The following XYLT1 variants were observed in gnomAD, a reference collection of about 807,000 sequenced individuals.
The protein encoded by XYLT1 is beta-D-xylosyltransferase 1.
XYLT1 carries 36 observed loss-of-function variants against 91.3 expected under a neutral mutation model. That is an observed-to-expected ratio of 0.39 (90% CI 0.30 to 0.52). The LOEUF is 0.52. Ranked by LOEUF, XYLT1 falls within the 20% of genes least tolerant of loss-of-function variation. The pLI, the probability that XYLT1 is intolerant of heterozygous loss-of-function variation, is 0.68. For missense variants in XYLT1, 1,242 were observed against 1,284.5 expected (o/e 0.97, Z 0.51); for synonymous variants, 588 against 532.0 (o/e 1.11, Z -1.45).
intron 1 of XYLT1, among the ~76,000 whole-genome samples, chr16:17,468,678 G>A (rs992845463): frequency 6.6e-5 from 10 of 152,010 alleles, no homozygotes; most frequent in African/African-American, 2.4e-4. Context: ...AAATCAGCTA[G>A]CCCTGCCTCC....
chr16:17,361,476 A>G (rs2035380922), intron 1 of XYLT1, among the ~76,000 whole-genome samples: 1 of 152,226 alleles, frequency 6.6e-6, no homozygotes, highest in South Asian at 2.1e-4. Flanking sequence ...TGTCACAAAC[A>G]CTCACAGACT....
At chr16:17,217,320 C>A (rs1265739298) in intron 3 of XYLT1, among the ~76,000 whole-genome samples, 1 of 151,942 alleles carries the variant, frequency 6.6e-6, no homozygotes, top group Non-Finnish European at 1.5e-5. Context: ...TCTCTGTCTA[C>A]AAAGATAATA....
intron 6 of XYLT1, among the ~76,000 whole-genome samples, chr16:17,144,444 A>G (rs2031080768): frequency 6.6e-6 from 1 of 152,198 alleles, no homozygotes; most frequent in African/African-American, 2.4e-5. Flanking sequence ...TTCTGGAAAA[A>G]TGGGGACTAG....
intron 2 of XYLT1, among the ~76,000 whole-genome samples, chr16:17,356,477 C>G (rs2035296979): frequency 6.6e-6 from 1 of 152,064 alleles, no homozygotes; most frequent in African/African-American, 2.4e-5. Context: ...AATGCAAGGA[C>G]AGAAAAGCAC....
rs769698170 is a variant in XYLT1, at chr16:17,198,250, G to A, written c.1251C>T (p.Asp417=). 4 of 1,614,064 alleles carry A rather than the reference G, an allele frequency of 2.5e-6. No homozygotes were observed. The South Asian group carries it at 4.4e-5, about 18-fold the overall frequency. The change falls in exon 5 of 12, where the codon GAC becomes GAT. Residue 417 remains aspartate (D), a synonymous_variant. Coordinates refer to ENST00000261381, the MANE Select transcript of XYLT1 (RefSeq NM_022166.4). ...DLLEMTDWPW[D]FFINLSAADY... is the part of the protein sequence containing the mutation. ...CGGCCGCACTCAGGTTGATGAAGAA[G>A]TCCCAGGGCCAGTCGGTCATCTCCA...
chr16:17,212,907 T>C (rs555494453), intron 3 of XYLT1, among the ~76,000 whole-genome samples: 2 of 152,338 alleles, frequency 1.3e-5, no homozygotes, highest in South Asian at 4.1e-4. Context: ...CTCTTATCCA[T>C]CCTGCTGATG....
intron 2 of XYLT1, among the ~76,000 whole-genome samples, chr16:17,324,874 G>A (rs1372172421): frequency 2.6e-5 from 4 of 151,914 alleles, no homozygotes; most frequent in Non-Finnish European, 4.4e-5. Flanking sequence ...TTTTTTTCAA[G>A]CTTTGTTATA....
intron 2 of XYLT1, among the ~76,000 whole-genome samples, chr16:17,281,255 T>C (rs1165679435): frequency 1.3e-5 from 2 of 150,390 alleles, no homozygotes; most frequent in Non-Finnish European, 3.0e-5. Flanking sequence ...GGGTTGTGAC[T>C]CTGCTTGGCT....
chr16:17,392,719 C>G (rs968260532), intron 1 of XYLT1, among the ~76,000 whole-genome samples: 6 of 152,180 alleles, frequency 3.9e-5, no homozygotes, highest in Non-Finnish European at 8.8e-5. Flanking sequence ...GGCCACATAT[C>G]TCTCCAGGTG....
intron 2 of XYLT1, among the ~76,000 whole-genome samples, chr16:17,330,104 T>TACACACACACAC (rs35148093): frequency 0.14 from 19,606 of 144,386 alleles, 1,456 homozygotes; most frequent in Non-Finnish European, 0.17. Context: ...TGGAGGTAGA[T>TACACACACACAC]ACACACACAC....
At chr16:17,247,578 C>G (rs896102374) in intron 3 of XYLT1, among the ~76,000 whole-genome samples, 1 of 152,142 alleles carries the variant, frequency 6.6e-6, no homozygotes, top group African/African-American at 2.4e-5. Context: ...CCTGAGGAGG[C>G]AGGGGAGGCC....
intron 2 of XYLT1, among the ~76,000 whole-genome samples, chr16:17,321,342 CTTTTTTTTTTTTTTTTT>C (rs10606202): frequency 6.9e-5 from 3 of 43,582 alleles, no homozygotes; most frequent in Non-Finnish European, 8.4e-5. Context: ...ACTAACTAGC[CTTTTTTTTTTTTTTTTT>C]TTTTTTTTTT....
chr16:17,420,127 C>T (rs771489424), intron 1 of XYLT1, among the ~76,000 whole-genome samples: 18 of 152,140 alleles, frequency 1.2e-4, no homozygotes, highest in Non-Finnish European at 2.5e-4. Flanking sequence ...GTGCTACCCA[C>T]GTTATCCAAA....
rs1310225564 is a variant in XYLT1, at chr16:17,106,040, G to A, written c.*2655C>T. 2 of 152,128 alleles carry A rather than the reference G, an allele frequency of 1.3e-5. No individual in the cohort carries two copies. The highest frequency in any genetic ancestry group is 1.5e-5 in the Non-Finnish European group (1 of 68,030). 9.4% of individuals were successfully genotyped at this position (152,128 alleles called of 1,614,324 possible). On this transcript the variant is annotated 3_prime_UTR_variant, in exon 12 of 12. Transcript: ENST00000261381. ...ACCCTGTGTGACTTCTCAGCTCCCC[G>A]AATTAGTTGTGGTGAGGAAGAAATG... is the stretch of plus-strand genomic sequence containing the variant.
chr16:17,202,121 C>T (rs980848651), intron 3 of XYLT1, among the ~76,000 whole-genome samples: 1 of 152,210 alleles, frequency 6.6e-6, no homozygotes, highest in African/African-American at 2.4e-5. Flanking sequence ...ACAATCCCAA[C>T]TAGAAATCTC....
rs145216338 is a variant in XYLT1 at position 17,200,419 on chromosome 16, T to A, written c.1086+63A>T. On this transcript the variant is annotated intron_variant, in intron 4 of 11. Coordinates refer to ENST00000261381, the MANE Select transcript of XYLT1 (RefSeq NM_022166.4). ...GGACTAGCAATGCAGAAGGAGGGTA[T>A]CAGGGAGGGACGGACAGACCCCGAA... 1.8e-4 allele frequency: 275 copies of A among 1,569,160 alleles called. 2 individuals carry two copies. In the East Asian group the frequency reaches 6.1e-3, roughly 35 times the overall value.
At chr16:17,318,147 T>C (rs1168513531) in intron 2 of XYLT1, among the ~76,000 whole-genome samples, 2 of 152,234 alleles carry the variant, frequency 1.3e-5, no homozygotes, top group Non-Finnish European at 2.9e-5. Context: ...AGATTCCCAG[T>C]ATATCTAATG....
chr16:17,378,834 T>C (rs9929482), intron 1 of XYLT1, among the ~76,000 whole-genome samples: 102,769 of 152,104 alleles, frequency 0.68, 37,390 homozygotes, highest in African/African-American at 0.93. Flanking sequence ...CTCTTTATAC[T>C]GTATTCTCCT....
intron 2 of XYLT1, among the ~76,000 whole-genome samples, chr16:17,335,147 C>T (rs986031811): frequency 6.7e-6 from 1 of 149,884 alleles, no homozygotes; most frequent in Non-Finnish European, 1.5e-5. Flanking sequence ...CTCAACTGAA[C>T]GCGGGGACGT....
Sources: allele counts gnomAD v4.1 joint callset (sites outside exome capture counted in the v4.1 genomes callset), GRCh38; gene constraint gnomAD v4.1.1; transcripts MANE v1.5; gene names NCBI Gene and HGNC (gene_info 2026-07-23, HGNC 2026-07-21).